Variants in RUBCNL observed in about 807,000 individuals in gnomAD.
The protein encoded by RUBCNL is rubicon like autophagy enhancer.
A neutral mutation model predicts 69.5 loss-of-function variants in RUBCNL; 62 were observed. The ratio of observed to expected loss-of-function variants is 0.89; its 90% confidence interval spans 0.73 to 1.10. RUBCNL has a LOEUF of 1.10. RUBCNL is among the 50% of genes least tolerant of loss of function. The pLI is 0.00. For synonymous variants in RUBCNL, 291 were observed against 303.6 expected, an observed-to-expected ratio of 0.96 and a Z score of 0.43; for missense variants, 768 against 798.1, an observed-to-expected ratio of 0.96 and a Z score of 0.45.
rs1247139317 is a variant in RUBCNL, at chr13:46,336,780, C to T, written c.*6605G>A. 6.6e-6 allele frequency among the ~76,000 whole-genome samples: 1 copy of T among 152,078 alleles called. No homozygotes were observed. The highest frequency in any genetic ancestry group is 6.6e-5 in the Admixed American group (1 of 15,256). ...TGGAAGCGATGGCAAACATTAAAAACTGTTCTTTCAAAAATGTTGCTGTGA... is the reference window on the plus strand; with the variant it reads ...TGGAAGCGATGGCAAACATTAAAAATTGTTCTTTCAAAAATGTTGCTGTGA... On this transcript the variant is annotated 3_prime_UTR_variant, in exon 15 of 15. Coordinates refer to ENST00000429979, the MANE Select transcript of RUBCNL (RefSeq NM_025113.5).
chr13:46,356,639 T>A lies in RUBCNL; in HGVS notation c.1266-143A>T. On this transcript the variant is annotated intron_variant, in intron 9 of 14. Coordinates refer to ENST00000429979, the MANE Select transcript of RUBCNL (RefSeq NM_025113.5). ...ACTTTTCATTTGGGAAAGAAATAGA[T>A]TTATTCAATACAATTTTCTAGTTGA... 3 of 680,434 alleles carry A rather than the reference T, an allele frequency of 4.4e-6. No homozygotes were observed. The South Asian group carries it at 5.8e-5, about 13-fold the overall frequency. 42.1% of individuals were successfully genotyped at this position (680,434 alleles called of 1,614,324 possible).
chr13:46,368,963 T>C lies in RUBCNL; in HGVS notation c.536-148A>G, dbSNP rs2048820501. 1.1e-5 allele frequency: 7 copies of C among 635,488 alleles called. No individual in the cohort carries two copies. The South Asian group carries it at 1.4e-4, about 13-fold the overall frequency. 39.4% of individuals were successfully genotyped at this position (635,488 alleles called of 1,614,324 possible). ...AATTCAGATGACAGGAAAAGAAAGA[T>C]CTTTCCGATGGCAGGTCTTACAGAT... is the stretch of plus-strand genomic sequence containing the variant. On this transcript the variant is annotated intron_variant, in intron 3 of 14. Coordinates refer to ENST00000429979, the MANE Select transcript of RUBCNL (RefSeq NM_025113.5).
chr13:46,376,070 A>C (rs181513961), intron 2 of RUBCNL, among the ~76,000 whole-genome samples: 2 of 152,294 alleles, frequency 1.3e-5, no homozygotes, highest in African/African-American at 4.8e-5. Context: ...TTATTGTAAG[A>C]ATGCTTATAT....
intron 10 of RUBCNL, among the ~76,000 whole-genome samples, chr13:46,354,162 G>T (rs1315144566): frequency 6.6e-6 from 1 of 152,036 alleles, no homozygotes; most frequent in East Asian, 1.9e-4. Context: ...ACTAGTAAAG[G>T]GTAAAATGTC....
At chr13:46,350,660 TC>T (rs1415239565) in intron 10 of RUBCNL, 1 of 256,304 alleles carries the variant, frequency 3.9e-6, no homozygotes, top group Non-Finnish European at 7.5e-6. Flanking sequence ...CATTTTAGGA[TC>T]TGGAAATCTG....
At position 46,339,289 on chromosome 13, in the gene RUBCNL, C is replaced by T. The variant is rs905028146; in HGVS notation, c.*4096G>A. 1.3e-5 allele frequency among the ~76,000 whole-genome samples: 2 copies of T among 152,088 alleles called. No individual in the cohort carries two copies. Among genetic ancestry groups the T allele is most frequent in the Non-Finnish European group, 2.9e-5 (2 of 68,012 alleles). On this transcript the variant is annotated 3_prime_UTR_variant, in exon 15 of 15. Transcript: ENST00000429979. The stretch of plus-strand genomic sequence containing the variant: ...GTGAAAAAGGGGAACTACGGTTTTC[C>T]TTCCCATACCAGTTGAGAAATTATT...
intron 10 of RUBCNL, among the ~76,000 whole-genome samples, chr13:46,353,298 C>A (rs1439744961): frequency 6.6e-6 from 1 of 152,228 alleles, no homozygotes; most frequent in African/African-American, 2.4e-5. Flanking sequence ...TACTGAACCA[C>A]TGCTCCTGGG....
rs71074772 is a variant in RUBCNL, at chr13:46,339,860, A to AAAAAAC, written c.*3519_*3524dup. ...GGTGACAGAGCAAGACTCCATTTCA[A>AAAAAAC]AAAAACAAAAACAAAAACAAAACAA... On this transcript the variant is annotated 3_prime_UTR_variant, in exon 15 of 15. Coordinates refer to ENST00000429979, the MANE Select transcript of RUBCNL (RefSeq NM_025113.5). 0.31 allele frequency among the ~76,000 whole-genome samples: 45,896 copies of AAAAAAC among 150,424 alleles called. 7,166 individuals carry two copies. The highest frequency in any genetic ancestry group is 0.35 in the Middle Eastern group (103 of 292).
intron 1 of RUBCNL, chr13:46,385,168 G>A (rs1461987407): frequency 2.2e-6 from 1 of 459,622 alleles, no homozygotes; most frequent in East Asian, 1.5e-4. Context: ...GGTACACAAT[G>A]TCCTATGAAG....
chr13:46,368,062 G>T lies in RUBCNL; in HGVS notation c.806C>A (p.Ser269Tyr). ...NIKQESGSST[S>Y]SYSGYEGCAV... is the part of the protein sequence containing the mutation. ...CTTGCCTTCATAGCCACTGTATGAA[G>T]AAGTAGAAGACCCAGACTCTTGCTT... Residue 269 changes from serine to tyrosine, a missense_variant, in exon 5 of 15, where the codon TCT (serine) becomes TAT (tyrosine). Coordinates refer to ENST00000429979, the MANE Select transcript of RUBCNL (RefSeq NM_025113.5). The T allele has an allele frequency of 6.2e-7, 1 of 1,613,944 alleles. No homozygotes were observed. Among genetic ancestry groups the T allele is most frequent in the Non-Finnish European group, 8.5e-7 (1 of 1,179,866 alleles).
At chr13:46,357,790 C>T (rs546819174) in intron 9 of RUBCNL, among the ~76,000 whole-genome samples, 26 of 151,964 alleles carry the variant, frequency 1.7e-4, no homozygotes, top group South Asian at 6.2e-4. Flanking sequence ...CCACCATGCC[C>T]GGCTAATTTT....
At chr13:46,388,232 A>G (rs1396445713), upstream of RUBCNL, among the ~76,000 whole-genome samples, 1 of 139,934 alleles carries the variant, frequency 7.1e-6, no homozygotes, top group Non-Finnish European at 1.6e-5. Context: ...AGAAAGGAGA[A>G]GAAGGGAAGG....
chr13:46,365,212 A>G (rs998665579), intron 5 of RUBCNL, among the ~76,000 whole-genome samples: 1 of 151,486 alleles, frequency 6.6e-6, no homozygotes, highest in African/African-American at 2.4e-5. Context: ...CTGAGGCAGA[A>G]GAATGGTTTG....
chr13:46,356,504 C>T lies in RUBCNL; in HGVS notation c.1266-8G>A, dbSNP rs376578960. ...GCCACCACAAGGTCCCTCCTGAATA[C>T]GAAAAATAATACTAGTTACATTTCA... On this transcript the variant is annotated splice_polypyrimidine_tract_variant and splice_region_variant and intron_variant, in intron 9 of 14. Coordinates refer to ENST00000429979, the MANE Select transcript of RUBCNL (RefSeq NM_025113.5). The T allele has an allele frequency of 4.8e-5, 78 of 1,612,256 alleles. No homozygotes were observed. In the Middle Eastern group the frequency reaches 5.0e-4, roughly 10 times the overall value.
chr13:46,350,577 A>G (rs890012945), intron 10 of RUBCNL: 4 of 424,744 alleles, frequency 9.4e-6, no homozygotes, highest in Non-Finnish European at 1.7e-5. Flanking sequence ...CGTCAGAAAA[A>G]CAAAACCTTC....
rs146342249 is a variant in RUBCNL, at chr13:46,335,269, T to G, written c.*8116A>C. On this transcript the variant is annotated 3_prime_UTR_variant, in exon 15 of 15. Coordinates refer to ENST00000429979, the MANE Select transcript of RUBCNL (RefSeq NM_025113.5). ...TGTTGTTGTTGTTGTTGTTTTTTTT[T>G]TTTTTTTTTTTTTTTTAAGAGACAG... 9.5e-3 allele frequency among the ~76,000 whole-genome samples: 953 copies of G among 99,940 alleles called. 11 individuals are homozygous for G. Among genetic ancestry groups the G allele is most frequent in the African/African-American group, 0.021 (708 of 33,382 alleles). 65.6% of individuals were successfully genotyped at this position (99,940 alleles called of 152,430 possible).
At position 46,372,167 on chromosome 13, in the gene RUBCNL, C is replaced by T. The variant is rs199730950; in HGVS notation, c.309G>A (p.Thr103=). The change falls in exon 3 of 15, where the codon ACG becomes ACA. Residue 103 remains threonine (T), a synonymous_variant. Coordinates refer to ENST00000429979, the MANE Select transcript of RUBCNL (RefSeq NM_025113.5). ...CGGAGTCTGTGGTATCCTCAGACAACGTTGTCTCTGCCAGGGAGTCCCCGA... is the reference window on the plus strand; with the variant it reads ...CGGAGTCTGTGGTATCCTCAGACAATGTTGTCTCTGCCAGGGAGTCCCCGA... ...SCLGDSLAET[T]LSEDTTDSVG... The T allele has an allele frequency of 7.0e-5, 113 of 1,613,966 alleles. No homozygotes were observed. Among genetic ancestry groups the T allele is most frequent in the Admixed American group, 1.5e-4 (9 of 60,016 alleles).
chr13:46,348,026 C>T (rs1048571440), intron 12 of RUBCNL, among the ~76,000 whole-genome samples: 14 of 152,120 alleles, frequency 9.2e-5, no homozygotes, highest in African/African-American at 3.4e-4. Context: ...CTGACACATG[C>T]TACAACATGA....
Position 46,387,138 on chromosome 13 carries a change from C to A in RUBCNL, c.-243G>T. ...CCCCGGCCCCGCCAGCCTCACCCAG[C>A]CAAACCCGAGCGGTGGAACGCTGCG... On this transcript the variant is annotated 5_prime_UTR_variant, in exon 1 of 15. Coordinates refer to ENST00000429979, the MANE Select transcript of RUBCNL (RefSeq NM_025113.5). The A allele has an allele frequency of 1.0e-6, 1 of 985,612 alleles. No individual in the cohort carries two copies. The highest frequency in any genetic ancestry group is 1.2e-6 in the Non-Finnish European group (1 of 830,080). 61.1% of individuals were successfully genotyped at this position (985,612 alleles called of 1,614,324 possible).
Sources: gnomAD v4.1 joint callset for allele counts (sites outside exome capture counted in the v4.1 genomes callset) on GRCh38, gnomAD v4.1.1 for gene constraint, MANE v1.5 for transcripts, NCBI Gene and HGNC (gene_info 2026-07-23, HGNC 2026-07-21) for gene names.